LHFPL3: variants seen among roughly 807,000 people sequenced by gnomAD.
LHFPL3 encodes the protein LHFPL tetraspan subfamily member 3.
LHFPL3 carries 5 observed loss-of-function variants against 19.3 expected under a neutral mutation model. The ratio of observed to expected loss-of-function variants is 0.26; its 90% CI spans 0.14 to 0.54. LHFPL3 has a LOEUF of 0.54. LHFPL3 is among the 20% of genes least tolerant of loss of function. The pLI is 0.94. For synonymous variants in LHFPL3, 133 were observed against 126.2 expected (o/e 1.05, Z -0.36); for missense variants, 249 against 307.4 (o/e 0.81, Z 1.42).
At chr7:104,484,372 C>G (rs1483214204) in intron 1 of LHFPL3, among the ~76,000 whole-genome samples, 1 of 152,184 alleles carries the variant, frequency 6.6e-6, no homozygotes, top group Non-Finnish European at 1.5e-5. Flanking sequence ...TTCCCTCCTT[C>G]CCTTCACTTC....
intron 1 of LHFPL3, among the ~76,000 whole-genome samples, chr7:104,387,906 A>AC (rs1790981763): frequency 6.6e-6 from 1 of 152,126 alleles, no homozygotes; most frequent in African/African-American, 2.4e-5. Context: ...TAAGCATAGT[A>AC]CCTGATAAGT....
intron 2 of LHFPL3, among the ~76,000 whole-genome samples, chr7:104,816,058 A>G (rs1286742738): frequency 6.6e-6 from 1 of 152,020 alleles, no homozygotes; most frequent in African/African-American, 2.4e-5. Flanking sequence ...TCTGTCACCT[A>G]TTCTAGGACA....
intron 1 of LHFPL3, among the ~76,000 whole-genome samples, chr7:104,627,755 A>T (rs1189586220): frequency 6.6e-6 from 1 of 152,184 alleles, no homozygotes; most frequent in African/African-American, 2.4e-5. Flanking sequence ...TTCCTTGCAC[A>T]CTGTAGCTGC....
intron 1 of LHFPL3, among the ~76,000 whole-genome samples, chr7:104,535,485 C>T (rs917914042): frequency 4.6e-5 from 7 of 152,150 alleles, no homozygotes; most frequent in African/African-American, 1.7e-4. Context: ...AGTGAAATAA[C>T]TCAGGACCCA....
intron 1 of LHFPL3, 64 bp downstream of exon 1, chr7:104,329,288 A>G: frequency 6.5e-7 from 1 of 1,527,164 alleles, no homozygotes; most frequent in Non-Finnish European, 8.8e-7. Flanking sequence ...GGGAGGGGCC[A>G]GAGTGGGAGG....
At chr7:104,750,232 T>C (rs2116341689) in intron 2 of LHFPL3, among the ~76,000 whole-genome samples, 1 of 152,266 alleles carries the variant, frequency 6.6e-6, no homozygotes, top group South Asian at 2.1e-4. Flanking sequence ...TGGCCACTGA[T>C]TTAAAGCAAT....
chr7:104,692,126 C>T (rs148450487), intron 1 of LHFPL3, among the ~76,000 whole-genome samples: 2,666 of 152,220 alleles, frequency 0.018, 44 homozygotes, highest in Middle Eastern at 0.044. Context: ...TAAGCAGCAA[C>T]GCATTGAAGA....
intron 2 of LHFPL3, among the ~76,000 whole-genome samples, chr7:104,822,283 G>C (rs1282239703): frequency 1.3e-5 from 2 of 152,192 alleles, no homozygotes; most frequent in Non-Finnish European, 2.9e-5. Context: ...CAAATATCTA[G>C]AAGTGTTCAG....
intron 1 of LHFPL3, among the ~76,000 whole-genome samples, chr7:104,343,728 C>CGTGTGTGTGT (rs10687589): frequency 0.011 from 1,568 of 148,840 alleles, 31 homozygotes; most frequent in African/African-American, 0.037. Context: ...GTATGGCTTG[C>CGTGTGTGTGT]GTGTGTGTGT....
intron 1 of LHFPL3, chr7:104,667,645 G>A: frequency 1.2e-6 from 1 of 842,404 alleles, no homozygotes; most frequent in Non-Finnish European, 1.8e-6. Flanking sequence ...ACTTGAAACA[G>A]CCAAGGGTAA....
chr7:104,466,024 G>T lies in LHFPL3; in HGVS notation c.445+136800G>T, dbSNP rs116381137. 1.9e-3 allele frequency among the ~76,000 whole-genome samples: 288 copies of T among 152,326 alleles called. 1 individual carries two copies. The highest frequency in any genetic ancestry group is 6.7e-3 in the African/African-American group (279 of 41,574). Reference sequence around the variant, plus strand: ...TAGAGTCTGTGCCATGTGGCGAAGAGAAGAATATATATTATGTTGTTTTTG... The same window carrying T: ...TAGAGTCTGTGCCATGTGGCGAAGATAAGAATATATATTATGTTGTTTTTG... On this transcript the variant is annotated intron_variant, in intron 1 of 2. Coordinates refer to ENST00000424859, the MANE Select transcript of LHFPL3 (RefSeq NM_199000.3).
At chr7:104,667,507 C>A (rs553728777) in intron 1 of LHFPL3, among the ~76,000 whole-genome samples, 24 of 152,288 alleles carry the variant, frequency 1.6e-4, no homozygotes, top group African/African-American at 5.5e-4. Flanking sequence ...TTAGCTGCCC[C>A]AGCAGAATCA....
intron 1 of LHFPL3, among the ~76,000 whole-genome samples, chr7:104,424,690 C>G (rs528215112): frequency 6.6e-6 from 1 of 152,182 alleles, no homozygotes; most frequent in African/African-American, 2.4e-5. Flanking sequence ...AGCTCCCCTT[C>G]CTAAAGAAGT....
chr7:104,733,903 G>C (rs936106659), intron 1 of LHFPL3, among the ~76,000 whole-genome samples: 2 of 152,176 alleles, frequency 1.3e-5, no homozygotes, highest in Admixed American at 1.3e-4. Flanking sequence ...AGGAGCTCTT[G>C]TAGGGCAGGC....
chr7:104,904,543 G>C (rs892925230), intron 2 of LHFPL3, among the ~76,000 whole-genome samples: 4 of 152,104 alleles, frequency 2.6e-5, no homozygotes, highest in African/African-American at 7.2e-5. Flanking sequence ...CCCAGCTACT[G>C]GGGAGGCTGA....
chr7:104,434,295 A>G (rs917323875), intron 1 of LHFPL3, among the ~76,000 whole-genome samples: 3 of 152,242 alleles, frequency 2.0e-5, no homozygotes, highest in Non-Finnish European at 4.4e-5. Context: ...ATTTAGAACT[A>G]TGGAATATTT....
Position 104,498,502 on chromosome 7 carries a change from T to G in LHFPL3, c.445+169278T>G, listed in dbSNP as rs1028547466. 5.5e-3 allele frequency among the ~76,000 whole-genome samples: 834 copies of G among 151,836 alleles called. 11 individuals are homozygous for G. The highest frequency in any genetic ancestry group is 0.019 in the African/African-American group (772 of 41,376). On this transcript the variant is annotated intron_variant, in intron 1 of 2. Coordinates refer to ENST00000424859, the MANE Select transcript of LHFPL3 (RefSeq NM_199000.3). ...TGCTGTACATGGAAGCAATGTTTTTTTTTTTTTTTTTTGAGACAGGGTCTC... is the reference window on the plus strand; with the variant it reads ...TGCTGTACATGGAAGCAATGTTTTTGTTTTTTTTTTTTGAGACAGGGTCTC...
intron 2 of LHFPL3, among the ~76,000 whole-genome samples, chr7:104,769,568 C>T (rs1342024599): frequency 1.3e-5 from 2 of 150,978 alleles, no homozygotes; most frequent in Non-Finnish European, 3.0e-5. Flanking sequence ...ATCAACCCGT[C>T]ATCTACATTA....
At chr7:104,589,793 T>C (rs980012278) in intron 1 of LHFPL3, among the ~76,000 whole-genome samples, 10 of 152,218 alleles carry the variant, frequency 6.6e-5, no homozygotes, top group Non-Finnish European at 1.5e-4. Context: ...TTTCAGAGCC[T>C]GTTATTGGTC....
Sources: gnomAD v4.1 joint callset for allele counts (sites outside exome capture counted in the v4.1 genomes callset) on GRCh38, gnomAD v4.1.1 for gene constraint, MANE v1.5 for transcripts, NCBI Gene and HGNC (gene_info 2026-07-23, HGNC 2026-07-21) for gene names.